The following GNA14 variants were observed in gnomAD, a reference collection of about 807,000 sequenced individuals.
GNA14 encodes guanine nucleotide-binding protein subunit alpha-14.
In GNA14, 50 loss-of-function variants were observed where a neutral mutation model predicts 42.0. That is an observed-to-expected ratio of 1.19 (90% CI 0.95 to 1.51). GNA14 has a LOEUF of 1.51. GNA14 is among the 40% of genes most tolerant of loss of function. The pLI, the probability that GNA14 is intolerant of heterozygous loss-of-function variation, is 0.00. For synonymous variants in GNA14, 173 were observed against 163.1 expected (o/e 1.06, Z -0.46); for missense variants, 473 against 446.2 (o/e 1.06, Z -0.54).
intron 2 of GNA14, among the ~76,000 whole-genome samples, chr9:77,480,282 G>C (rs1176667833): frequency 6.6e-6 from 1 of 152,102 alleles, no homozygotes; most frequent in Non-Finnish European, 1.5e-5. Flanking sequence ...TTTTGTCTAA[G>C]GCCTTTTCTG....
chr9:77,494,752 T>C (rs1213495296), intron 2 of GNA14, among the ~76,000 whole-genome samples: 3 of 151,142 alleles, frequency 2.0e-5, no homozygotes, highest in Non-Finnish European at 4.4e-5. Context: ...GGCCTTCAAA[T>C]ATGCAAAGAG....
At chr9:77,567,289 C>T (rs1457722087) in intron 1 of GNA14, among the ~76,000 whole-genome samples, 6 of 152,136 alleles carry the variant, frequency 3.9e-5, no homozygotes, top group Non-Finnish European at 8.8e-5. Flanking sequence ...TAACATGATT[C>T]ATGTTCCAAG....
At chr9:77,647,571 C>T in intron 1 of GNA14, 99 bp downstream of exon 1, 7 of 1,372,196 alleles carry the variant, frequency 5.1e-6, no homozygotes, top group Non-Finnish European at 4.9e-6. Flanking sequence ...CGCCCTGCAC[C>T]CCGCTGGGCT....
At chr9:77,575,609 G>A (rs1341490585) in intron 1 of GNA14, among the ~76,000 whole-genome samples, 2 of 152,128 alleles carry the variant, frequency 1.3e-5, no homozygotes, top group African/African-American at 2.4e-5. Flanking sequence ...TATAATGTCT[G>A]AAGACAGGCC....
At chr9:77,562,711 C>A (rs1044521319) in intron 1 of GNA14, among the ~76,000 whole-genome samples, 66 of 152,224 alleles carry the variant, frequency 4.3e-4, no homozygotes, top group African/African-American at 1.5e-3. Flanking sequence ...GTATTTTCAA[C>A]CTTCTTGATA....
At chr9:77,634,869 TG>T (rs2118015908) in intron 1 of GNA14, among the ~76,000 whole-genome samples, 1 of 152,324 alleles carries the variant, frequency 6.6e-6, no homozygotes, top group East Asian at 1.9e-4. Context: ...GGTTCAATAG[TG>T]AGCAGAGATC....
intron 2 of GNA14, among the ~76,000 whole-genome samples, chr9:77,450,876 C>T (rs767370284): frequency 1.3e-5 from 2 of 151,866 alleles, no homozygotes; most frequent in Admixed American, 1.3e-4. Flanking sequence ...CAAGATCTGA[C>T]GGTTTTATAA....
chr9:77,451,726 G>A (rs1249692280), intron 2 of GNA14, among the ~76,000 whole-genome samples: 2 of 152,192 alleles, frequency 1.3e-5, no homozygotes, highest in African/African-American at 4.8e-5. Context: ...AAGCCAACGT[G>A]CAGCAAAGCT....
intron 1 of GNA14, among the ~76,000 whole-genome samples, chr9:77,640,027 G>A (rs981500623): frequency 6.6e-6 from 1 of 152,198 alleles, no homozygotes; most frequent in African/African-American, 2.4e-5. Context: ...CTGCACTCAG[G>A]TGACAGTCAT....
chr9:77,605,261 T>C (rs921710850), intron 1 of GNA14, among the ~76,000 whole-genome samples: 2 of 152,230 alleles, frequency 1.3e-5, no homozygotes, highest in African/African-American at 2.4e-5. Flanking sequence ...TGACCAGAGA[T>C]GACCAATCCT....
chr9:77,461,146 GC>G (rs907061175), intron 2 of GNA14, among the ~76,000 whole-genome samples: 2 of 152,142 alleles, frequency 1.3e-5, no homozygotes, highest in African/African-American at 4.8e-5. Flanking sequence ...CTCTCACCAG[GC>G]CCCCGCGGAG....
At chr9:77,584,007 A>G (rs995728655) in intron 1 of GNA14, among the ~76,000 whole-genome samples, 3 of 152,200 alleles carry the variant, frequency 2.0e-5, no homozygotes, top group Non-Finnish European at 4.4e-5. Context: ...CTCAACAAAC[A>G]CAGCTAACCT....
At chr9:77,482,632 T>A (rs1356872477) in intron 2 of GNA14, among the ~76,000 whole-genome samples, 1 of 152,338 alleles carries the variant, frequency 6.6e-6, no homozygotes, top group East Asian at 1.9e-4. Flanking sequence ...TTCTCCTGGA[T>A]AATATCCTGC....
intron 1 of GNA14, among the ~76,000 whole-genome samples, chr9:77,625,931 A>G (rs1002176160): frequency 6.6e-6 from 1 of 152,184 alleles, no homozygotes; most frequent in Non-Finnish European, 1.5e-5. Flanking sequence ...ATTAAAAGAC[A>G]CAGACTGACC....
chr9:77,512,013 C>T (rs1837178967), intron 2 of GNA14, among the ~76,000 whole-genome samples: 1 of 152,240 alleles, frequency 6.6e-6, no homozygotes, highest in Non-Finnish European at 1.5e-5. Context: ...TACCTTGGAG[C>T]CTCCCTCAAG....
intron 1 of GNA14, among the ~76,000 whole-genome samples, chr9:77,578,602 T>C (rs376410379): frequency 6.9e-6 from 1 of 145,116 alleles, no homozygotes; most frequent in Non-Finnish European, 1.6e-5. Flanking sequence ...TTAAAACTCA[T>C]AAAATTTAAA....
chr9:77,537,889 A>G (rs1837615793), intron 1 of GNA14, among the ~76,000 whole-genome samples: 1 of 151,994 alleles, frequency 6.6e-6, no homozygotes, highest in South Asian at 2.1e-4. Context: ...AAAAACATTC[A>G]TATTCATATT....
intron 1 of GNA14, among the ~76,000 whole-genome samples, chr9:77,607,217 T>A (rs1045850704): frequency 2.6e-5 from 4 of 152,154 alleles, no homozygotes; most frequent in Non-Finnish European, 4.4e-5. Flanking sequence ...AATAGAACAG[T>A]TACCACAGAA....
In GNA14 at chr9:77,647,807, C is replaced by T. The variant is rs1168504763; in HGVS notation, c.-14G>A. 3 of 1,604,626 alleles carry T rather than the reference C, an allele frequency of 1.9e-6. No individual in the cohort carries two copies. Among genetic ancestry groups the T allele is most frequent in the Admixed American group, 1.7e-5 (1 of 59,418 alleles). ...GCAGCCGGCCATGGTGCGCTCAGCT[C>T]AGTACCCGACGGGGCGACGCGGCCC... On this transcript the variant is annotated 5_prime_UTR_variant, in exon 1 of 7. Transcript: ENST00000341700.
Sources: allele counts gnomAD v4.1 joint callset (sites outside exome capture counted in the v4.1 genomes callset), GRCh38; gene constraint gnomAD v4.1.1; transcripts MANE v1.5; gene names NCBI Gene and HGNC (gene_info 2026-07-23, HGNC 2026-07-21).